ITPR2: variants seen among roughly 807,000 people sequenced by gnomAD.
The protein encoded by ITPR2 is inositol 1,4,5-trisphosphate-gated calcium channel ITPR2.
In ITPR2, 207 loss-of-function variants were observed where a neutral mutation model predicts 317.1. That is an observed-to-expected ratio of 0.65 (90% confidence interval 0.58 to 0.73). ITPR2 has a LOEUF of 0.73. ITPR2 is among the 30% of genes least tolerant of loss of function. ITPR2 has a pLI of 0.00. For synonymous variants in ITPR2, 1,156 were observed against 1,149.1 expected (o/e 1.01, Z -0.12); for missense variants, 2,613 against 3,284.0 (o/e 0.80, Z 4.99).
intron 55 of ITPR2, among the ~76,000 whole-genome samples, chr12:26,376,735 TTC>T (rs956505425): frequency 7.2e-5 from 11 of 151,966 alleles, no homozygotes; most frequent in Admixed American, 5.2e-4. Context: ...TTCTTTCTCT[TTC>T]TCTCTCTTTC....
Position 26,812,276 on chromosome 12 carries a change from T to C in ITPR2, c.92+20414A>G, listed in dbSNP as rs559294731. Among the ~76,000 whole-genome samples the C allele has an allele frequency of 3.6e-4, 55 of 152,064 alleles. 3 individuals are homozygous for C. In the South Asian group the frequency reaches 0.011, roughly 30 times the overall value. ...TTTAGGTAACCTTATGATTTTACCA[T>C]TTTAAAAAAAACCTAATACGGCCGG... On this transcript the variant is annotated intron_variant, in intron 1 of 56. Transcript: ENST00000381340.
chr12:26,425,679 A>C lies in ITPR2; in HGVS notation c.6945+2234T>G, dbSNP rs1941038084. On this transcript the variant is annotated intron_variant, in intron 49 of 56. Transcript: ENST00000381340. The stretch of plus-strand genomic sequence containing the variant: ...AGACCCTGTCTAAAAAAGAAAAAAA[A>C]AAAAAACGCTCTGAGCTGGTAGACC... Among the ~76,000 whole-genome samples, 5 of 151,938 alleles carry C rather than the reference A, an allele frequency of 3.3e-5. No homozygotes were observed. In the South Asian group the frequency reaches 1.0e-3, roughly 32 times the overall value.
chr12:26,749,374 C>A (rs1949379058), intron 2 of ITPR2, among the ~76,000 whole-genome samples: 1 of 152,182 alleles, frequency 6.6e-6, no homozygotes, highest in Non-Finnish European at 1.5e-5. Flanking sequence ...CTGCAGTTAT[C>A]TTTTAAGTCA....
intron 13 of ITPR2, among the ~76,000 whole-genome samples, chr12:26,673,454 T>A (rs1201600241): frequency 6.6e-6 from 1 of 152,132 alleles, no homozygotes; most frequent in African/African-American, 2.4e-5. Flanking sequence ...CACATGACTA[T>A]CTCAATAGAT....
chr12:26,384,183 A>C (rs374011811), intron 55 of ITPR2, among the ~76,000 whole-genome samples: 1 of 152,250 alleles, frequency 6.6e-6, no homozygotes, highest in East Asian at 1.9e-4. Context: ...GATGTGCTTC[A>C]ACTTTCCACG....
At chr12:26,460,833 T>G (rs1445627114) in intron 45 of ITPR2, among the ~76,000 whole-genome samples, 2 of 152,164 alleles carry the variant, frequency 1.3e-5, no homozygotes, top group East Asian at 3.8e-4. Context: ...AGCAGAAGAC[T>G]ACCTTTGCCC....
intron 37 of ITPR2, among the ~76,000 whole-genome samples, chr12:26,547,813 A>G (rs1027081851): frequency 2.0e-5 from 3 of 152,182 alleles, no homozygotes; most frequent in Non-Finnish European, 4.4e-5. Flanking sequence ...CTGAATCTTT[A>G]CCTATTTTGG....
chr12:26,621,202 A>G lies in ITPR2; in HGVS notation c.3383T>C (p.Leu1128Pro), dbSNP rs566775586. 1 of 1,613,928 alleles carries G rather than the reference A, an allele frequency of 6.2e-7. No individual in the cohort carries two copies. Among genetic ancestry groups the G allele is most frequent in the Admixed American group, 1.7e-5 (1 of 60,004 alleles). ...ATAGTTGCTGCTCTTCTCCACCCAT[A>G]GCTCAGACTTTTCTACTGTCAGTCG... ...QLRLTVEKSE[L>P]WVEKSSNYEN... The change falls in exon 26 of 57, where the codon CTA becomes CCA. Residue 1128 changes from leucine (L) to proline (P), a missense_variant. Physicochemically the swap from Leu to Pro is moderately conservative, Grantham distance 98. Transcript: ENST00000381340.
In ITPR2 at chr12:26,496,660, C is replaced by G. The variant is rs150381277; in HGVS notation, c.5074-1400G>C. ...AATGTTTTCCCCTTAATTTTAATTT[C>G]TTTTAAGAAGATCACACCCATTCTC... On this transcript the variant is annotated intron_variant, in intron 37 of 56. Transcript: ENST00000381340. 7.4e-3 allele frequency among the ~76,000 whole-genome samples: 1,127 copies of G among 152,198 alleles called. 17 individuals are homozygous for G. The highest frequency in any genetic ancestry group is 0.026 in the African/African-American group (1,086 of 41,516).
At chr12:26,617,092 T>G (rs1946389042) in intron 26 of ITPR2, among the ~76,000 whole-genome samples, 1 of 152,132 alleles carries the variant, frequency 6.6e-6, no homozygotes, top group Non-Finnish European at 1.5e-5. Flanking sequence ...AGTCAGAAGT[T>G]ATAAACAAAT....
chr12:26,600,017 A>G lies in ITPR2; in HGVS notation c.3771T>C (p.His1257=), dbSNP rs1274749883. The G allele has an allele frequency of 6.2e-7, 1 of 1,606,614 alleles. No homozygotes were observed. The highest frequency in any genetic ancestry group is 8.5e-7 in the Non-Finnish European group (1 of 1,173,646). The change falls in exon 29 of 57, where the codon CAT becomes CAC. Residue 1257 remains histidine, a synonymous_variant. Transcript: ENST00000381340. Reference sequence around the variant, plus strand: ...GAGTTAAAAACAAATTCAGATGTTTATGAAGAAGAACTTGATTCTGTGGAT... The same window carrying G: ...GAGTTAAAAACAAATTCAGATGTTTGTGAAGAAGAACTTGATTCTGTGGAT... The part of the protein sequence containing the change: ...RGNPQNQVLL[H]KHLNLFLTPG...
At chr12:26,545,812 G>T (rs1039116993) in intron 37 of ITPR2, among the ~76,000 whole-genome samples, 2 of 152,178 alleles carry the variant, frequency 1.3e-5, no homozygotes, top group African/African-American at 2.4e-5. Flanking sequence ...ATGGATCACT[G>T]AGCACCAGCT....
rs1259260336 is a variant in ITPR2, at chr12:26,831,090, T to C, written c.92+1600A>G. Among the ~76,000 whole-genome samples the C allele has an allele frequency of 1.3e-5, 2 of 152,140 alleles. No individual in the cohort carries two copies. Among genetic ancestry groups the C allele is most frequent in the Non-Finnish European group, 2.9e-5 (2 of 68,024 alleles). ...ATCACACACACACACCTGGAGAGTCTACGGAGGGTGAAGAGCAGCAGAGTC... is the reference window on the plus strand; with the variant it reads ...ATCACACACACACACCTGGAGAGTCCACGGAGGGTGAAGAGCAGCAGAGTC... On this transcript the variant is annotated intron_variant, in intron 1 of 56. Coordinates refer to ENST00000381340, the MANE Select transcript of ITPR2 (RefSeq NM_002223.4). The surrounding 1 kb of genome is among the most constrained non-coding windows in gnomAD (Gnocchi z 4.9).
chr12:26,667,829 C>G (rs988066824), intron 13 of ITPR2, among the ~76,000 whole-genome samples: 3 of 152,128 alleles, frequency 2.0e-5, no homozygotes, highest in Non-Finnish European at 4.4e-5. Context: ...AACTACAGAT[C>G]GCTCTGTTTC....
At chr12:26,652,632 T>C (rs1565667110) in intron 21 of ITPR2, among the ~76,000 whole-genome samples, 1 of 152,156 alleles carries the variant, frequency 6.6e-6, no homozygotes, top group Non-Finnish European at 1.5e-5. Flanking sequence ...TACCCAATGT[T>C]ACACAGCCCC....
intron 2 of ITPR2, among the ~76,000 whole-genome samples, chr12:26,784,893 C>G (rs1303650595): frequency 1.1e-5 from 1 of 87,866 alleles, no homozygotes; most frequent in South Asian, 4.1e-4. Flanking sequence ...ATCTAGGAAG[C>G]GAGGAGCACC....
Position 26,831,803 on chromosome 12 carries a change from A to G in ITPR2, c.92+887T>C, listed in dbSNP as rs954654121. On this transcript the variant is annotated intron_variant, in intron 1 of 56. Coordinates refer to ENST00000381340, the MANE Select transcript of ITPR2 (RefSeq NM_002223.4). This position sits in a 1 kb window ranked among gnomAD's most constrained non-coding sequence, Gnocchi z 4.9. The stretch of plus-strand genomic sequence containing the variant: ...TAAAATATATAAATATATATTATAC[A>G]TAAAATATATAAATATATATTATAC... 2.0e-4 allele frequency among the ~76,000 whole-genome samples: 28 copies of G among 142,054 alleles called. No homozygotes were observed. The highest frequency in any genetic ancestry group is 3.3e-4 in the Non-Finnish European group (22 of 66,220). 93.2% of individuals were successfully genotyped at this position (142,054 alleles called of 152,430 possible). A position where few individuals can be genotyped will look rare whatever the true frequency, so the allele number is the denominator to read the frequency against.
At chr12:26,761,886 C>A (rs1565744206) in intron 2 of ITPR2, among the ~76,000 whole-genome samples, 1 of 152,204 alleles carries the variant, frequency 6.6e-6, no homozygotes, top group East Asian at 1.9e-4. Flanking sequence ...AGAAGTTCAA[C>A]AAAGAGACAG....
chr12:26,420,025 A>C (rs1393357620), intron 49 of ITPR2, among the ~76,000 whole-genome samples: 2 of 152,208 alleles, frequency 1.3e-5, no homozygotes, highest in Non-Finnish European at 2.9e-5. Flanking sequence ...GACTATGTAC[A>C]GTATTTATAT....
Sources: allele counts gnomAD v4.1 joint callset (sites outside exome capture counted in the v4.1 genomes callset), GRCh38; gene constraint gnomAD v4.1.1; non-coding constraint Gnocchi (gnomAD v3.1); transcripts MANE v1.5; gene names NCBI Gene and HGNC (gene_info 2026-07-23, HGNC 2026-07-21).